The following TNN variants were observed in gnomAD, a reference collection of about 807,000 sequenced individuals.
TNN encodes tenascin N.
A neutral mutation model predicts 134.4 loss-of-function variants in TNN; 122 were observed. The observed-to-expected ratio is 0.91, with a 90% CI of 0.78 to 1.06. TNN has a LOEUF of 1.06. Among genes scored for constraint, TNN ranks in the 50% least tolerant of loss-of-function variants. TNN has a pLI of 0.00. For synonymous variants in TNN, 710 were observed against 670.3 expected (o/e 1.06, Z -0.91); for missense variants, 1,739 against 1,699.4 (o/e 1.02, Z -0.41).
chr1:175,119,629 CTTTTTTTTCTTTTTTT>C (rs1322571782), intron 11 of TNN, among the ~76,000 whole-genome samples: 3 of 133,498 alleles, frequency 2.2e-5, no homozygotes, highest in Non-Finnish European at 4.6e-5. Flanking sequence ...CCATGAATGC[CTTTTTTTTCTTTTTTT>C]TTTTTTTTTG....
chr1:175,125,153 A>T (rs1675475081), intron 12 of TNN, among the ~76,000 whole-genome samples: 1 of 152,212 alleles, frequency 6.6e-6, no homozygotes, highest in Non-Finnish European at 1.5e-5. Flanking sequence ...AACCAAGTTG[A>T]TATTACAGAA....
At position 175,097,700 on chromosome 1, in the gene TNN, G is replaced by A. The variant is rs1167282222; in HGVS notation, c.1855+17G>A. The A allele has an allele frequency of 1.2e-6, 2 of 1,613,646 alleles. No individual in the cohort carries two copies. The highest frequency in any genetic ancestry group is 3.3e-5 in the Admixed American group (2 of 59,914). On this transcript the variant is annotated intron_variant, in intron 8 of 18. Coordinates refer to ENST00000239462, the MANE Select transcript of TNN (RefSeq NM_022093.2). The stretch of plus-strand genomic sequence containing the variant: ...CCCCGACAGGTAACAAAAGAGAGAT[G>A]GTCAATTGGAATTGAGTTTTAGCTT...
chr1:175,096,192 G>T (rs966141722), intron 7 of TNN, among the ~76,000 whole-genome samples: 3 of 152,242 alleles, frequency 2.0e-5, no homozygotes, highest in Admixed American at 1.3e-4. Flanking sequence ...GGTCATGCAG[G>T]CTGTGGGAGG....
In TNN at chr1:175,093,983, T is replaced by C; in HGVS notation, c.1325-7T>C. On this transcript the variant is annotated splice_region_variant and splice_polypyrimidine_tract_variant and intron_variant, in intron 6 of 18. Transcript: ENST00000239462. ...CTGATTTTTCTTTCTCATGTGTTTT[T>C]ATGAAGAAATTGACAGTCCAACCAA... 6.3e-7 allele frequency: 1 copy of C among 1,583,092 alleles called. No homozygotes were observed.
At chr1:175,121,793 G>C (rs1037256601) in intron 11 of TNN, among the ~76,000 whole-genome samples, 9 of 152,178 alleles carry the variant, frequency 5.9e-5, no homozygotes, top group African/African-American at 2.2e-4. Flanking sequence ...TGGGAGATTG[G>C]ACTACCATTT....
At chr1:175,092,431 T>C (rs936665886) in intron 6 of TNN, among the ~76,000 whole-genome samples, 4 of 152,034 alleles carry the variant, frequency 2.6e-5, no homozygotes, top group African/African-American at 9.7e-5. Flanking sequence ...CCAGTCACAG[T>C]GAGACTATTG....
chr1:175,125,699 TTCTC>T (rs142973712), intron 12 of TNN, among the ~76,000 whole-genome samples: 21 of 56,368 alleles, frequency 3.7e-4, no homozygotes, highest in Middle Eastern at 0.016. Flanking sequence ...TCTCTCTTTT[TTCTC>T]TCTTTCTTTC....
chr1:175,084,501 G>A (rs536033862), intron 5 of TNN, among the ~76,000 whole-genome samples: 2 of 152,350 alleles, frequency 1.3e-5, no homozygotes, highest in South Asian at 4.1e-4. Context: ...AAGTTTGGCA[G>A]TGCTTGAAGT....
At chr1:175,105,283 G>A (rs1674820741) in intron 9 of TNN, among the ~76,000 whole-genome samples, 3 of 145,714 alleles carry the variant, frequency 2.1e-5, no homozygotes, top group African/African-American at 7.4e-5. Context: ...AATCAGAGAG[G>A]GAGAAGGGGA....
chr1:175,127,631 C>T (rs1159121867), intron 13 of TNN, among the ~76,000 whole-genome samples: 3 of 152,236 alleles, frequency 2.0e-5, no homozygotes, highest in African/African-American at 7.2e-5. Context: ...ATCTCCTTGT[C>T]TCAGATATCA....
intron 9 of TNN, among the ~76,000 whole-genome samples, chr1:175,102,381 A>G (rs1470908388): frequency 6.8e-6 from 1 of 146,048 alleles, no homozygotes. Context: ...CTCGGGCTGC[A>G]CAGGAACCCA....
intron 17 of TNN, among the ~76,000 whole-genome samples, 175 bp from the exon 18 acceptor site, chr1:175,144,212 T>C (rs1676006630): frequency 1.3e-5 from 2 of 152,120 alleles, no homozygotes; most frequent in South Asian, 4.1e-4. Flanking sequence ...AGACAGCTTG[T>C]TCCCATGTGT....
intron 17 of TNN, among the ~76,000 whole-genome samples, chr1:175,139,458 G>C (rs1443205188): frequency 6.6e-6 from 1 of 151,966 alleles, no homozygotes; most frequent in Non-Finnish European, 1.5e-5. Flanking sequence ...GCCTGCACAG[G>C]GTCAGGATCA....
chr1:175,142,098 CT>C (rs1258174499), intron 17 of TNN, among the ~76,000 whole-genome samples: 1 of 152,162 alleles, frequency 6.6e-6, no homozygotes, highest in Non-Finnish European at 1.5e-5. Context: ...TTATTTCAAG[CT>C]GTGGTTAACT....
intron 1 of TNN, among the ~76,000 whole-genome samples, chr1:175,075,159 G>A (rs117116460): frequency 1.3e-5 from 2 of 152,280 alleles, no homozygotes; most frequent in East Asian, 1.9e-4. Context: ...TTCACCCCCT[G>A]TTTCCTCAAC....
intron 17 of TNN, among the ~76,000 whole-genome samples, chr1:175,141,365 A>C (rs977281770): frequency 2.0e-5 from 3 of 152,192 alleles, no homozygotes; most frequent in Non-Finnish European, 4.4e-5. Flanking sequence ...TGCATGGGCC[A>C]CAGTGGGGAC....
intron 6 of TNN, among the ~76,000 whole-genome samples, chr1:175,091,382 T>G (rs1205989372): frequency 1.3e-5 from 2 of 152,172 alleles, no homozygotes; most frequent in Admixed American, 1.3e-4. Context: ...ATAATATGAT[T>G]CAGTTTTACC....
chr1:175,133,459 C>T (rs1236847022), intron 15 of TNN, among the ~76,000 whole-genome samples: 1 of 152,208 alleles, frequency 6.6e-6, no homozygotes, highest in Non-Finnish European at 1.5e-5. Context: ...ATGGTTTTGG[C>T]CTCCTGTTCC....
At position 175,116,981 on chromosome 1, in the gene TNN, A is replaced by G. The variant is rs761798250; in HGVS notation, c.2162A>G (p.Glu721Gly). The G allele has an allele frequency of 1.2e-6, 2 of 1,614,206 alleles. No homozygotes were observed. The change falls in exon 10 of 19, where the codon GAG (glutamate) becomes GGG (glycine). Residue 721 changes from glutamate (E) to glycine (G), a missense_variant. Transcript: ENST00000239462. The stretch of plus-strand genomic sequence containing the variant: ...AACCTGGTGACCGACCGGGTGACAG[A>G]GAATATGGCCACTGTCTCCTGGGAC... Reference protein sequence around the residue: ...PQNLVTDRVTENMATVSWDPV... With the variant: ...PQNLVTDRVTGNMATVSWDPV...
Sources: gnomAD v4.1 joint callset for allele counts (sites outside exome capture counted in the v4.1 genomes callset) on GRCh38, gnomAD v4.1.1 for gene constraint, MANE v1.5 for transcripts, NCBI Gene and HGNC (gene_info 2026-07-23, HGNC 2026-07-21) for gene names.